The following TG variants were observed in gnomAD, a reference collection of about 807,000 sequenced individuals.
TG encodes thyroglobulin.
Under a neutral mutation model 324.7 loss-of-function variants are expected in TG, and 270 were observed. The ratio of observed to expected loss-of-function variants is 0.83; its 90% CI spans 0.75 to 0.92. The LOEUF (loss-of-function observed/expected upper bound fraction) is 0.92. TG is among the 40% of genes least tolerant of loss of function. The probability of loss-of-function intolerance (pLI) is 0.00; values close to 1 mark genes in which losing one functional copy is unlikely to be tolerated. For synonymous variants in TG, 1,401 were observed against 1,327.0 expected, an observed-to-expected ratio of 1.06 and a Z score of -1.21; for missense variants, 3,591 against 3,456.4, an observed-to-expected ratio of 1.04 and a Z score of -0.98.
chr8:133,067,896 AAGGAAGGAAGGAAGGAAGGAAAG>A (rs1843302865), intron 41 of TG, among the ~76,000 whole-genome samples: 3 of 55,942 alleles, frequency 5.4e-5, no homozygotes, highest in Non-Finnish European at 1.0e-4. Flanking sequence ...GTATGTATGG[AAGGAAGGAAGGAAGGAAGGAAAG>A]AGAGAGAGAG....
rs530717882 is a variant in TG at position 133,036,570 on chromosome 8, T to C, written c.7239+6547T>C. Among the ~76,000 whole-genome samples the C allele has an allele frequency of 3.9e-5, 6 of 152,226 alleles. 1 individual carries two copies. Among genetic ancestry groups the C allele is most frequent in the Middle Eastern group, 3.4e-3 (1 of 294 alleles). ...TCATACAATCTGCTTTTTCTTAAGG[T>C]CACACCTAAAGAAGATGCTGAGCTG... On this transcript the variant is annotated intron_variant, in intron 41 of 47. Transcript: ENST00000220616.
intron 22 of TG, 86 bp from the exon 23 acceptor site, chr8:132,928,990 C>G (rs1283487393): frequency 1.8e-6 from 2 of 1,098,942 alleles, no homozygotes; most frequent in Admixed American, 3.4e-5. Context: ...TGGGTATTGA[C>G]TGCTTGACCT....
chr8:133,096,099 C>T, intron 42 of TG, 107 bp from the exon 43 acceptor site: 1 of 1,398,200 alleles, frequency 7.2e-7, no homozygotes, highest in Non-Finnish European at 1.0e-6. Flanking sequence ...TCAGTAGAGT[C>T]ATAGATGGAT....
chr8:133,123,306 G>A (rs1284894080), intron 45 of TG, among the ~76,000 whole-genome samples: 1 of 152,008 alleles, frequency 6.6e-6, no homozygotes, highest in Admixed American at 6.5e-5. Context: ...CAGATGGAGT[G>A]TGCCAGAGAA....
intron 19 of TG, among the ~76,000 whole-genome samples, chr8:132,912,040 C>G (rs1487280647): frequency 6.6e-6 from 1 of 152,190 alleles, no homozygotes; most frequent in East Asian, 1.9e-4. Flanking sequence ...AGAGCCCGTA[C>G]ATTTCTGACC....
At chr8:132,981,663 G>A (rs899256055) in intron 34 of TG, among the ~76,000 whole-genome samples, 2 of 152,200 alleles carry the variant, frequency 1.3e-5, no homozygotes, top group South Asian at 4.1e-4. Flanking sequence ...CAGCGCTGGG[G>A]AACTTGCTTG....
At chr8:132,957,100 T>C (rs1269280276) in intron 27 of TG, among the ~76,000 whole-genome samples, 1 of 152,158 alleles carries the variant, frequency 6.6e-6, no homozygotes, top group East Asian at 1.9e-4. Flanking sequence ...TGTATTCCTA[T>C]GGAGACTTGG....
At chr8:133,077,072 G>T (rs9649970) in intron 41 of TG, among the ~76,000 whole-genome samples, 1 of 151,902 alleles carries the variant, frequency 6.6e-6, no homozygotes, top group African/African-American at 2.4e-5. Context: ...GGCCAGTCGT[G>T]GGGTGGATGG....
At chr8:132,994,215 T>C (rs1190604730) in intron 35 of TG, among the ~76,000 whole-genome samples, 7 of 152,336 alleles carry the variant, frequency 4.6e-5, no homozygotes, top group African/African-American at 1.7e-4. Context: ...AAGGACCTTG[T>C]TTATTTATTA....
intron 41 of TG, among the ~76,000 whole-genome samples, chr8:133,067,814 AAGG>A (rs1309571094): frequency 8.4e-6 from 1 of 119,312 alleles, no homozygotes; most frequent in Non-Finnish European, 2.1e-5. Context: ...GAAAGAAAGG[AAGG>A]AAGGAAGGGG....
chr8:133,049,401 C>T (rs1328273461), intron 41 of TG: 1 of 296,462 alleles, frequency 3.4e-6, no homozygotes, highest in East Asian at 8.0e-5. Flanking sequence ...ACACATGTAT[C>T]ATTACATCTT....
Position 132,923,813 on chromosome 8 carries a change from C to A in TG, c.4699+305C>A, listed in dbSNP as rs182611515. Among the ~76,000 whole-genome samples, 14 of 152,112 alleles carry A rather than the reference C, an allele frequency of 9.2e-5. No homozygotes were observed. In the East Asian group the frequency reaches 1.9e-3, roughly 21 times the overall value. Reference sequence around the variant, plus strand: ...GAGATGAATTTTTATATTAAAAGATCTGTGGAGGCCTCCATTCTTCTAGGC... The same window carrying A: ...GAGATGAATTTTTATATTAAAAGATATGTGGAGGCCTCCATTCTTCTAGGC... On this transcript the variant is annotated intron_variant, in intron 22 of 47. Coordinates refer to ENST00000220616, the MANE Select transcript of TG (RefSeq NM_003235.5).
intron 11 of TG, among the ~76,000 whole-genome samples, chr8:132,895,433 A>G (rs1247159517): frequency 6.6e-6 from 1 of 151,738 alleles, no homozygotes; most frequent in African/African-American, 2.4e-5. Context: ...TGACAATCTC[A>G]TGTGTGCCAT....
intron 34 of TG, among the ~76,000 whole-genome samples, chr8:132,979,654 G>C (rs999889511): frequency 6.6e-6 from 1 of 152,120 alleles, no homozygotes; most frequent in African/African-American, 2.4e-5. Flanking sequence ...AGGGCCTACT[G>C]TTACCCCATG....
intron 29 of TG, chr8:132,964,826 G>C (rs1262605194): frequency 1.0e-5 from 7 of 694,640 alleles, no homozygotes; most frequent in Non-Finnish European, 1.8e-5. Context: ...ATGCAATGTG[G>C]ACAGGTGTCG....
At position 132,911,394 on chromosome 8, in the gene TG, C is replaced by G. The variant is rs995728479; in HGVS notation, c.4020C>G (p.Thr1340=). 5.0e-6 allele frequency: 8 copies of G among 1,614,026 alleles called. No homozygotes were observed. The highest frequency in any genetic ancestry group is 1.6e-4 in the Middle Eastern group (1 of 6,082). Residue 1340 remains threonine (T), a synonymous_variant, in exon 19 of 48, where the codon ACC becomes ACG. Coordinates refer to ENST00000220616, the MANE Select transcript of TG (RefSeq NM_003235.5). ...TCTTGTAGGTGAAGACTTTTGGCAC[C>G]CTGGTTTCCATTCCTGTCTGCAACA... ...FCQIQVKTFG[T]LVSIPVCNNS...
intron 35 of TG, among the ~76,000 whole-genome samples, chr8:133,005,667 C>T (rs1833957155): frequency 6.6e-6 from 1 of 152,186 alleles, no homozygotes; most frequent in Non-Finnish European, 1.5e-5. Context: ...TGTAGTCTGG[C>T]TGCTTTACTG....
intron 19 of TG, 107 bp from the exon 20 acceptor site, chr8:132,912,940 T>G: frequency 9.5e-7 from 1 of 1,051,012 alleles, no homozygotes; most frequent in Non-Finnish European, 1.4e-6. Flanking sequence ...ATGATGCCTA[T>G]GTCTCATTCC....
chr8:132,957,456 C>T (rs542405965), intron 27 of TG, among the ~76,000 whole-genome samples: 4 of 152,162 alleles, frequency 2.6e-5, no homozygotes, highest in Admixed American at 6.5e-5. Context: ...TGTGCACCTG[C>T]GGGAAGCACC....
Sources: gnomAD v4.1 joint callset for allele counts (sites outside exome capture counted in the v4.1 genomes callset) on GRCh38, gnomAD v4.1.1 for gene constraint, MANE v1.5 for transcripts, NCBI Gene and HGNC (gene_info 2026-07-23, HGNC 2026-07-21) for gene names.